The following SNX18 variants were observed in gnomAD, a reference collection of about 807,000 sequenced individuals.
SNX18 encodes sorting nexin 18, also known as sorting nexin-18.
Under a neutral mutation model 48.7 loss-of-function variants are expected in SNX18, and 35 were observed. That is an observed-to-expected ratio of 0.72 (90% CI 0.55 to 0.95). The LOEUF (loss-of-function observed/expected upper bound fraction) is 0.95. Among genes scored for constraint, SNX18 ranks in the 40% least tolerant of loss-of-function variants. The pLI is 0.00. For synonymous variants in SNX18, 492 were observed against 384.7 expected, an observed-to-expected ratio of 1.28 and a Z score of -3.26; for missense variants, 824 against 871.0, an observed-to-expected ratio of 0.95 and a Z score of 0.68.
At chr5:54,522,983 CG>C (rs1196078671) in intron 1 of SNX18, among the ~76,000 whole-genome samples, 4 of 151,926 alleles carry the variant, frequency 2.6e-5, no homozygotes, top group African/African-American at 9.7e-5. Context: ...CGAAGAAAGA[CG>C]GTAGTTTGCT....
downstream of SNX18, among the ~76,000 whole-genome samples, chr5:54,550,703 G>A (rs974119162): frequency 3.9e-5 from 6 of 152,074 alleles, no homozygotes; most frequent in African/African-American, 1.4e-4. Context: ...CATGCCTTCA[G>A]CCTCCCGAGT....
chr5:54,614,295 C>G, the SNX18 span, among the ~76,000 whole-genome samples: 1 of 152,136 alleles, frequency 6.6e-6, no homozygotes, highest in Non-Finnish European at 1.5e-5. Flanking sequence ...ACAAAAAGAG[C>G]ATCTCCCTGA....
intron 1 of SNX18, among the ~76,000 whole-genome samples, chr5:54,533,322 C>T (rs1192828222): frequency 6.6e-6 from 1 of 152,114 alleles, no homozygotes; most frequent in African/African-American, 2.4e-5. Context: ...AATTTTGTAC[C>T]CTCCAGGGTT....
At chr5:54,539,595 T>G (rs1762426960) in intron 1 of SNX18, among the ~76,000 whole-genome samples, 1 of 152,080 alleles carries the variant, frequency 6.6e-6, no homozygotes, top group African/African-American at 2.4e-5. Context: ...ATGGACCTAT[T>G]TCACTTTGCG....
the SNX18 span, among the ~76,000 whole-genome samples, chr5:54,594,697 A>T: frequency 1.3e-5 from 2 of 152,174 alleles, no homozygotes; most frequent in Non-Finnish European, 2.9e-5. Context: ...ATTGTATTTT[A>T]AAAATACAAT....
chr5:54,574,735 G>A, the SNX18 span, among the ~76,000 whole-genome samples: 2 of 152,120 alleles, frequency 1.3e-5, no homozygotes, highest in African/African-American at 4.8e-5. Context: ...GATGACTTGG[G>A]CTGCCATGTT....
At chr5:54,527,299 G>T in intron 1 of SNX18, among the ~76,000 whole-genome samples, 1 of 151,434 alleles carries the variant, frequency 6.6e-6, no homozygotes. Context: ...AGTAATCCAG[G>T]TGAGAGATGC....
chr5:54,522,353 A>C (rs1762047859), intron 1 of SNX18, among the ~76,000 whole-genome samples: 1 of 152,188 alleles, frequency 6.6e-6, no homozygotes, highest in African/African-American at 2.4e-5. Context: ...TAAGGAACTG[A>C]ATATTGGTCA....
At chr5:54,553,116 T>C in the SNX18 span, among the ~76,000 whole-genome samples, 1 of 151,050 alleles carries the variant, frequency 6.6e-6, no homozygotes, top group South Asian at 2.1e-4. Flanking sequence ...CAGAGGTGAG[T>C]GGGGAAGGTC....
chr5:54,562,789 T>C, the SNX18 span, among the ~76,000 whole-genome samples: 2 of 152,226 alleles, frequency 1.3e-5, no homozygotes, highest in Non-Finnish European at 2.9e-5. Flanking sequence ...AACAGCTTCA[T>C]GCAGGTCCTT....
the SNX18 span, among the ~76,000 whole-genome samples, chr5:54,637,570 TA>T: frequency 6.6e-6 from 1 of 152,042 alleles, no homozygotes; most frequent in African/African-American, 2.4e-5. Context: ...GAAAAGATAA[TA>T]AAAATAGTAC....
chr5:54,635,196 T>C, the SNX18 span, among the ~76,000 whole-genome samples: 3 of 151,800 alleles, frequency 2.0e-5, no homozygotes, highest in South Asian at 6.2e-4. Flanking sequence ...TCTGGGCCAT[T>C]TGGGGGAGAA....
At chr5:54,568,254 T>A in the SNX18 span, among the ~76,000 whole-genome samples, 1 of 152,218 alleles carries the variant, frequency 6.6e-6, no homozygotes, top group Non-Finnish European at 1.5e-5. Flanking sequence ...TTGAATACTA[T>A]GTCTCTGAAG....
the SNX18 span, among the ~76,000 whole-genome samples, chr5:54,629,545 CCT>C: frequency 8.5e-4 from 129 of 152,216 alleles, no homozygotes; most frequent in Middle Eastern, 0.02. Context: ...ATTTCTGACC[CCT>C]GTTTGAAGCT....
the SNX18 span, among the ~76,000 whole-genome samples, chr5:54,602,768 C>T: frequency 6.6e-6 from 1 of 152,182 alleles, no homozygotes; most frequent in Non-Finnish European, 1.5e-5. Context: ...TGGCCTCCTT[C>T]CGGGATCTTG....
the SNX18 span, among the ~76,000 whole-genome samples, chr5:54,626,760 C>A: frequency 1.3e-5 from 2 of 152,124 alleles, no homozygotes; most frequent in Non-Finnish European, 2.9e-5. Flanking sequence ...TTCTCCAGTC[C>A]AAAATGTCAG....
chr5:54,519,200 C>T lies in SNX18; in HGVS notation c.1248C>T (p.Ala416=), dbSNP rs1170752348. 1.2e-6 allele frequency: 2 copies of T among 1,613,878 alleles called. No individual in the cohort carries two copies. Among genetic ancestry groups the T allele is most frequent in the African/African-American group, 2.7e-5 (2 of 74,928 alleles). The change falls in exon 1 of 2, where the codon GCC becomes GCT. Residue 416 remains alanine (A), a synonymous_variant. Coordinates refer to ENST00000381410, the MANE Select transcript of SNX18 (RefSeq NM_001102575.2). The part of the protein sequence containing the change: ...NFFLTLSTPP[A]AALDLQEVES... Reference sequence around the variant, plus strand: ...TCCTGACCCTTAGCACGCCCCCCGCCGCTGCCCTTGACCTGCAGGAGGTGG... The same window carrying T: ...TCCTGACCCTTAGCACGCCCCCCGCTGCTGCCCTTGACCTGCAGGAGGTGG...
At chr5:54,519,875 G>A (rs1453970736) in intron 1 of SNX18, 1 of 1,511,178 alleles carries the variant, frequency 6.6e-7, no homozygotes, top group Non-Finnish European at 9.0e-7. Flanking sequence ...GCTCAAATCT[G>A]TAATCTTGAG....
At chr5:54,581,670 G>T in the SNX18 span, among the ~76,000 whole-genome samples, 2 of 152,132 alleles carry the variant, frequency 1.3e-5, no homozygotes, top group Non-Finnish European at 2.9e-5. Context: ...CTTCCCTTTA[G>T]CGAATGTAGC....
Sources: gnomAD v4.1 joint callset for allele counts (sites outside exome capture counted in the v4.1 genomes callset) on GRCh38, gnomAD v4.1.1 for gene constraint, MANE v1.5 for transcripts, NCBI Gene and HGNC (gene_info 2026-07-23, HGNC 2026-07-21) for gene names.